ARMC9: variants seen among roughly 807,000 people sequenced by gnomAD.
ARMC9 encodes armadillo repeat containing 9.
Under a neutral mutation model 107.0 loss-of-function variants are expected in ARMC9, and 94 were observed. The ratio of observed to expected loss-of-function variants is 0.88; its 90% CI spans 0.74 to 1.04. The LOEUF (loss-of-function observed/expected upper bound fraction) is 1.04. Ranked by LOEUF, ARMC9 falls within the 50% of genes least tolerant of loss-of-function variation. The pLI is 0.00. For synonymous variants in ARMC9, 380 were observed against 396.9 expected, an observed-to-expected ratio of 0.96 and a Z score of 0.51; for missense variants, 942 against 1,030.1, an observed-to-expected ratio of 0.91 and a Z score of 1.17.
intron 8 of ARMC9, among the ~76,000 whole-genome samples, chr2:231,235,739 T>C (rs1206491862): frequency 6.6e-6 from 1 of 152,150 alleles, no homozygotes; most frequent in African/African-American, 2.4e-5. Context: ...GCCTCCCAGA[T>C]TCAAGTGATT....
chr2:231,271,820 A>T (rs969066382), intron 13 of ARMC9, among the ~76,000 whole-genome samples: 1 of 152,128 alleles, frequency 6.6e-6, no homozygotes, highest in African/African-American at 2.4e-5. Flanking sequence ...CAGGCTAGGG[A>T]CCATTCTGGG....
chr2:231,277,726 C>T (rs999058473), intron 15 of ARMC9, among the ~76,000 whole-genome samples: 2 of 151,846 alleles, frequency 1.3e-5, no homozygotes, highest in African/African-American at 4.8e-5. Flanking sequence ...CCACACCTGG[C>T]GAATTTTTGT....
chr2:231,320,496 A>G (rs2042936010), intron 19 of ARMC9, among the ~76,000 whole-genome samples: 1 of 152,044 alleles, frequency 6.6e-6, no homozygotes, highest in Admixed American at 6.5e-5. Flanking sequence ...CATCTGTAAA[A>G]ATAGGGATAA....
chr2:231,260,135 GAA>G (rs1378903165), intron 11 of ARMC9, among the ~76,000 whole-genome samples: 3 of 152,224 alleles, frequency 2.0e-5, no homozygotes, highest in East Asian at 1.9e-4. Context: ...AAAATTGTGA[GAA>G]GAGCAGCATT....
chr2:231,213,735 G>T (rs964550168), intron 3 of ARMC9, among the ~76,000 whole-genome samples: 5 of 151,004 alleles, frequency 3.3e-5, no homozygotes, highest in Admixed American at 6.6e-5. Flanking sequence ...TTGGCCTCCC[G>T]AAGTGCTGGG....
rs1381797293 is a variant in ARMC9, at chr2:231,348,199, A to G, written c.1994+3109A>G. On this transcript the variant is annotated intron_variant, in intron 21 of 24. Transcript: ENST00000611582. Reference sequence around the variant, plus strand: ...ATTCTGGATAATCTGGGTGGACCCAATGTAATCACAAGGGGCCTTACTGAA... The same window carrying G: ...ATTCTGGATAATCTGGGTGGACCCAGTGTAATCACAAGGGGCCTTACTGAA... Among the ~76,000 whole-genome samples the G allele has an allele frequency of 7.2e-5, 11 of 152,238 alleles. No individual in the cohort carries two copies. The East Asian group carries it at 7.7e-4, about 11-fold the overall frequency.
At chr2:231,365,893 G>A (rs2045796690) in intron 23 of ARMC9, among the ~76,000 whole-genome samples, 1 of 152,142 alleles carries the variant, frequency 6.6e-6, no homozygotes, top group Non-Finnish European at 1.5e-5. Context: ...CTGCCTCCCG[G>A]GTTCAAGCGA....
chr2:231,337,290 A>ATATATATATATATATTT (rs1343774735), intron 20 of ARMC9, among the ~76,000 whole-genome samples: 1 of 38,018 alleles, frequency 2.6e-5, no homozygotes, highest in African/African-American at 1.2e-4. Flanking sequence ...ATATATATAT[A>ATATATATATATATATTT]TTTTTTTTTT....
intron 9 of ARMC9, among the ~76,000 whole-genome samples, chr2:231,242,953 A>G (rs966642575): frequency 6.6e-6 from 1 of 152,018 alleles, no homozygotes; most frequent in Non-Finnish European, 1.5e-5. Flanking sequence ...TCCACAAAAA[A>G]TACAAAAATT....
At chr2:231,256,372 C>T (rs1347772306) in intron 9 of ARMC9, 12 of 1,340,268 alleles carry the variant, frequency 9.0e-6, no homozygotes, top group Non-Finnish European at 1.3e-5. Flanking sequence ...TGGTCTGTCA[C>T]AGTCTGCTCC....
intron 8 of ARMC9, among the ~76,000 whole-genome samples, chr2:231,236,745 A>G (rs2035748119): frequency 6.6e-6 from 1 of 152,208 alleles, no homozygotes; most frequent in African/African-American, 2.4e-5. Context: ...GTTCAAGACC[A>G]GAGCCCCGGC....
intron 9 of ARMC9, among the ~76,000 whole-genome samples, chr2:231,249,819 C>T (rs1043923151): frequency 6.0e-5 from 9 of 150,488 alleles, no homozygotes; most frequent in African/African-American, 2.0e-4. Context: ...GTGCACACCT[C>T]CACGGGAGGG....
intron 19 of ARMC9, among the ~76,000 whole-genome samples, chr2:231,310,452 C>CT (rs397959849): frequency 6.5e-5 from 3 of 46,190 alleles, no homozygotes; most frequent in Non-Finnish European, 1.1e-4. Context: ...AAGCTATGGG[C>CT]GGGTGCAATG....
intron 20 of ARMC9, among the ~76,000 whole-genome samples, chr2:231,339,275 C>T (rs1177707056): frequency 6.6e-6 from 1 of 151,670 alleles, no homozygotes; most frequent in African/African-American, 2.4e-5. Context: ...TTGCAGTGAG[C>T]CGAGATCGCG....
At chr2:231,304,371 G>T (rs896987592) in intron 19 of ARMC9, among the ~76,000 whole-genome samples, 1 of 152,108 alleles carries the variant, frequency 6.6e-6, no homozygotes, top group Non-Finnish European at 1.5e-5. Context: ...GAAAATATTG[G>T]CTTACCAAGT....
At chr2:231,260,746 G>T (rs1019266997) in intron 11 of ARMC9, among the ~76,000 whole-genome samples, 23 of 152,156 alleles carry the variant, frequency 1.5e-4, no homozygotes, top group African/African-American at 5.1e-4. Flanking sequence ...CTTTTATGCG[G>T]CTCTTGGTTT....
intron 9 of ARMC9, among the ~76,000 whole-genome samples, chr2:231,254,527 A>G (rs2037580981): frequency 6.6e-6 from 1 of 152,048 alleles, no homozygotes; most frequent in African/African-American, 2.4e-5. Flanking sequence ...ATAAAACAAA[A>G]TATCAGTAAG....
intron 20 of ARMC9, among the ~76,000 whole-genome samples, chr2:231,332,787 C>T (rs1435342792): frequency 6.6e-6 from 1 of 152,108 alleles, no homozygotes; most frequent in Admixed American, 6.5e-5. Flanking sequence ...CAGACTGAAA[C>T]CCTGTGTGGG....
chr2:231,357,741 G>T (rs2045401500), intron 22 of ARMC9, among the ~76,000 whole-genome samples: 1 of 152,022 alleles, frequency 6.6e-6, no homozygotes, highest in Non-Finnish European at 1.5e-5. Flanking sequence ...AGGCAAAGTG[G>T]TTTTCTATTT....
Sources: gnomAD v4.1 joint callset for allele counts (sites outside exome capture counted in the v4.1 genomes callset) on GRCh38, gnomAD v4.1.1 for gene constraint, MANE v1.5 for transcripts, NCBI Gene and HGNC (gene_info 2026-07-23, HGNC 2026-07-21) for gene names.